The following UXS1 variants were observed in gnomAD, a reference collection of about 807,000 sequenced individuals.
UXS1 encodes UDP-glucuronic acid decarboxylase 1.
Under a neutral mutation model 62.6 loss-of-function variants are expected in UXS1, and 33 were observed. That is an observed-to-expected ratio of 0.53 (90% confidence interval 0.40 to 0.70). The LOEUF (loss-of-function observed/expected upper bound fraction) is 0.70. Among genes scored for constraint, UXS1 ranks in the 30% least tolerant of loss-of-function variants. The probability of loss-of-function intolerance (pLI) is 0.00; values close to 1 mark genes in which losing one functional copy is unlikely to be tolerated. For synonymous variants in UXS1, 213 were observed against 206.8 expected, an observed-to-expected ratio of 1.03 and a Z score of -0.26; for missense variants, 434 against 556.3, an observed-to-expected ratio of 0.78 and a Z score of 2.21.
At chr2:106,153,631 A>T (rs2105025159) in intron 5 of UXS1, among the ~76,000 whole-genome samples, 1 of 152,340 alleles carries the variant, frequency 6.6e-6, no homozygotes, top group South Asian at 2.1e-4. Context: ...TAAAATGCCC[A>T]GTTTTCTACA....
chr2:106,129,828 A>T, intron 6 of UXS1, 50 bp from the exon 7 acceptor site: 4 of 1,224,264 alleles, frequency 3.3e-6, no homozygotes, highest in Non-Finnish European at 3.5e-6. Context: ...CACCAAAAAA[A>T]TACTGACCTC....
intron 1 of UXS1, among the ~76,000 whole-genome samples, chr2:106,179,031 T>C (rs1190316104): frequency 6.6e-6 from 1 of 152,188 alleles, no homozygotes; most frequent in Non-Finnish European, 1.5e-5. Context: ...GGCTTCATGT[T>C]ACCTTTGCTC....
At position 106,138,819 on chromosome 2, in the gene UXS1, C is replaced by A. The variant is rs189940351; in HGVS notation, c.472+6371G>T. On this transcript the variant is annotated intron_variant, in intron 6 of 14. Coordinates refer to ENST00000283148, the MANE Select transcript of UXS1 (RefSeq NM_001253875.2). The stretch of plus-strand genomic sequence containing the variant: ...CTATGAAAATCAAAGTTTCCCACCA[C>A]CCCCCTCTCCTTTGAGAATGTGTTC... 1.7e-5 allele frequency: 17 copies of A among 985,460 alleles called. No homozygotes were observed. The African/African-American group carries it at 2.1e-4, about 12-fold the overall frequency. 61.0% of individuals were successfully genotyped at this position (985,460 alleles called of 1,614,324 possible). A position where few individuals can be genotyped will look rare whatever the true frequency, so the allele number is the denominator to read the frequency against.
chr2:106,147,392 G>A (rs906893162), intron 5 of UXS1, among the ~76,000 whole-genome samples: 2 of 152,222 alleles, frequency 1.3e-5, no homozygotes, highest in African/African-American at 4.8e-5. Context: ...TTCTGACCCA[G>A]TGTATTGGTG....
intron 6 of UXS1, among the ~76,000 whole-genome samples, chr2:106,143,598 C>T (rs1681324053): frequency 6.6e-6 from 1 of 152,054 alleles, no homozygotes; most frequent in African/African-American, 2.4e-5. Flanking sequence ...TATGGCTCAG[C>T]TGGTTCTCAG....
intron 1 of UXS1, among the ~76,000 whole-genome samples, chr2:106,170,239 G>A (rs891466722): frequency 3.9e-5 from 6 of 152,176 alleles, no homozygotes; most frequent in Admixed American, 3.9e-4. Context: ...TCTACAGGTA[G>A]TGTCCTGGGC....
chr2:106,164,461 T>A (rs1293624255), intron 3 of UXS1, among the ~76,000 whole-genome samples: 1 of 152,212 alleles, frequency 6.6e-6, no homozygotes, highest in Non-Finnish European at 1.5e-5. Context: ...CCAAAGGCAA[T>A]CACTTCCCTT....
At chr2:106,119,500 G>T (rs370395803) in intron 9 of UXS1, among the ~76,000 whole-genome samples, 1 of 152,196 alleles carries the variant, frequency 6.6e-6, no homozygotes. Context: ...GGCTGAGCAC[G>T]CAGCAGGCAT....
chr2:106,111,572 C>T (rs919260558), intron 10 of UXS1, among the ~76,000 whole-genome samples: 12 of 152,124 alleles, frequency 7.9e-5, no homozygotes, highest in Non-Finnish European at 1.6e-4. Context: ...GCTTCAAAAC[C>T]CAGGCTACCA....
intron 6 of UXS1, among the ~76,000 whole-genome samples, chr2:106,142,730 C>G (rs978896765): frequency 6.6e-5 from 10 of 152,138 alleles, no homozygotes; most frequent in African/African-American, 2.4e-4. Flanking sequence ...GACCTGATGC[C>G]AAGGTTGAGG....
chr2:106,173,602 G>A (rs747844762), intron 1 of UXS1, among the ~76,000 whole-genome samples: 10 of 152,126 alleles, frequency 6.6e-5, no homozygotes, highest in Non-Finnish European at 8.8e-5. Flanking sequence ...AGCCAGAATA[G>A]CAAATATTGC....
intron 1 of UXS1, among the ~76,000 whole-genome samples, chr2:106,182,806 A>G (rs1242407808): frequency 7.7e-6 from 1 of 129,374 alleles, no homozygotes; most frequent in Non-Finnish European, 1.6e-5. Flanking sequence ...GCATTTCAGC[A>G]TCTACACTGG....
intron 1 of UXS1, among the ~76,000 whole-genome samples, chr2:106,179,848 C>T (rs775484447): frequency 1.1e-4 from 17 of 152,262 alleles, no homozygotes; most frequent in Non-Finnish European, 2.2e-4. Context: ...TGGCTCATGC[C>T]TGTAATCCCA....
Position 106,122,959 on chromosome 2 carries a change from T to C in UXS1, c.759+11A>G. On this transcript the variant is annotated intron_variant, in intron 9 of 14. Coordinates refer to ENST00000283148, the MANE Select transcript of UXS1 (RefSeq NM_001253875.2). ...ACGCCTAAACCGCAAGCCTAGACCC[T>C]GGTGAAATACCTGCTTCATGTAGGC... 5 of 1,613,420 alleles carry C rather than the reference T, an allele frequency of 3.1e-6. No homozygotes were observed. The highest frequency in any genetic ancestry group is 4.2e-6 in the Non-Finnish European group (5 of 1,179,580).
chr2:106,098,632 A>G, intron 13 of UXS1, 84 bp downstream of exon 13: 1 of 1,139,748 alleles, frequency 8.8e-7, no homozygotes, highest in Non-Finnish European at 1.3e-6. Context: ...GCTTGTATTA[A>G]TTACCCACTT....
At chr2:106,125,474 C>A in intron 8 of UXS1, 146 bp downstream of exon 8, 1 of 652,490 alleles carries the variant, frequency 1.5e-6, no homozygotes, top group Admixed American at 4.1e-5. Context: ...CTTGGCGACC[C>A]GGGAGGCCGA....
chr2:106,164,540 T>C (rs146339469), intron 3 of UXS1, among the ~76,000 whole-genome samples, 196 bp downstream of exon 3: 43 of 152,314 alleles, frequency 2.8e-4, no homozygotes, highest in African/African-American at 9.6e-4. Context: ...AGGTAGAATT[T>C]GTTTTAATAC....
intron 1 of UXS1, among the ~76,000 whole-genome samples, chr2:106,187,930 C>T (rs537868089): frequency 2.0e-5 from 3 of 151,916 alleles, no homozygotes; most frequent in South Asian, 2.1e-4. Context: ...TTACTAGAGA[C>T]GGGGTTTCAC....
chr2:106,118,616 C>T (rs1412597085), intron 9 of UXS1, among the ~76,000 whole-genome samples: 1 of 152,180 alleles, frequency 6.6e-6, no homozygotes, highest in Non-Finnish European at 1.5e-5. Flanking sequence ...TCTCAACCTC[C>T]ATCTCACTCC....
Sources: allele counts gnomAD v4.1 joint callset (sites outside exome capture counted in the v4.1 genomes callset), GRCh38; gene constraint gnomAD v4.1.1; transcripts MANE v1.5; gene names NCBI Gene and HGNC (gene_info 2026-07-23, HGNC 2026-07-21).